Variants in RANBP6 observed in about 807,000 individuals in gnomAD.
The protein encoded by RANBP6 is ran-binding protein 6.
RANBP6 carries 10 observed loss-of-function variants against 35.3 expected under a neutral mutation model. That is an observed-to-expected ratio of 0.28 (90% CI 0.17 to 0.48). RANBP6 has a LOEUF of 0.48. Ranked by LOEUF, RANBP6 falls within the 20% of genes least tolerant of loss-of-function variation. The pLI, the probability that RANBP6 is intolerant of heterozygous loss-of-function variation, is 0.99. For synonymous variants in RANBP6, 514 were observed against 464.2 expected, an observed-to-expected ratio of 1.11 and a Z score of -1.38; for missense variants, 1,392 against 1,307.7, an observed-to-expected ratio of 1.06 and a Z score of -0.99.
rs964537670 is a variant in RANBP6 at position 6,015,132 on chromosome 9, G to A, written c.476C>T (p.Ala159Val). Residue 159 changes from alanine to valine, a missense_variant, in exon 1 of 1, where the codon GCA (alanine) becomes GTA (valine). Coordinates refer to ENST00000259569, the MANE Select transcript of RANBP6 (RefSeq NM_012416.4). ...YSKNVVLWEVALHVFWHFPGI... is the reference protein window; with the variant it reads ...YSKNVVLWEVVLHVFWHFPGI... Reference sequence around the variant, plus strand: ...AGGAAAGTGCCAGAAAACGTGAAGTGCAACTTCCCATAGAACCACATTTTT... The same window carrying A: ...AGGAAAGTGCCAGAAAACGTGAAGTACAACTTCCCATAGAACCACATTTTT... 3.1e-6 allele frequency: 5 copies of A among 1,614,092 alleles called. No individual in the cohort carries two copies. Among genetic ancestry groups the A allele is most frequent in the African/African-American group, 2.7e-5 (2 of 75,040 alleles).
At position 6,013,279 on chromosome 9, in the gene RANBP6, T is replaced by G. The variant is rs765155594; in HGVS notation, c.2329A>C (p.Ile777Leu). Residue 777 changes from isoleucine (I) to leucine (L), a missense_variant, in exon 1 of 1, where the codon ATA (isoleucine) becomes CTA (leucine). Coordinates refer to ENST00000259569, the MANE Select transcript of RANBP6 (RefSeq NM_012416.4). ...ATGGACTTTGCAAAAGAATTCATTA[T>G]TTCTGAGAGCACATCTGTATCTGGT... is the stretch of plus-strand genomic sequence containing the variant. ...TEPDTDVLSE[I>L]MNSFAKSIEV... 1.2e-5 allele frequency: 19 copies of G among 1,614,214 alleles called. No individual in the cohort carries two copies. The highest frequency in any genetic ancestry group is 1.7e-5 in the Admixed American group (1 of 60,028).
Position 6,015,282 on chromosome 9 carries a change from G to A in RANBP6, c.326C>T (p.Thr109Ile), listed in dbSNP as rs780360595. The change falls in exon 1 of 1, where the codon ACA (threonine) becomes ATA (isoleucine). Residue 109 changes from threonine (T) to isoleucine (I), a missense_variant. Coordinates refer to ENST00000259569, the MANE Select transcript of RANBP6 (RefSeq NM_012416.4). ...IELILAVKLE[T>I]HASMRKKLCD... ...AAGTTTTTTCCTCATGCTAGCATGT[G>A]TTTCTAACTTAACAGCCAGAATCAG... 9.9e-6 allele frequency: 16 copies of A among 1,614,204 alleles called. No individual in the cohort carries two copies. In the Admixed American group the frequency reaches 2.3e-4, roughly 24 times the overall value.
Position 6,014,638 on chromosome 9 carries a change from G to T in RANBP6, c.970C>A (p.Gln324Lys). The T allele has an allele frequency of 1.2e-6, 2 of 1,614,130 alleles. No homozygotes were observed. Among genetic ancestry groups the T allele is most frequent in the Non-Finnish European group, 1.7e-6 (2 of 1,180,028 alleles). Reference sequence around the variant, plus strand: ...GCATTTACCCAGTCCTCATCATCTTGTAGATCAACCATCATTGCTAATATA... The same window carrying T: ...GCATTTACCCAGTCCTCATCATCTTTTAGATCAACCATCATTGCTAATATA... ...PHILAMMVDL[Q>K]DDEDWVNADE... Residue 324 changes from glutamine (Q) to lysine (K), a missense_variant, in exon 1 of 1, where the codon CAA becomes AAA. Transcript: ENST00000259569.
At position 6,013,898 on chromosome 9, in the gene RANBP6, G is replaced by T; in HGVS notation, c.1710C>A (p.Ser570Arg). 1 of 1,613,928 alleles carries T rather than the reference G, an allele frequency of 6.2e-7. No homozygotes were observed. Among genetic ancestry groups the T allele is most frequent in the Non-Finnish European group, 8.5e-7 (1 of 1,179,990 alleles). The change falls in exon 1 of 1, where the codon AGC (serine) becomes AGA (arginine). Residue 570 changes from serine to arginine, a missense_variant. Coordinates refer to ENST00000259569, the MANE Select transcript of RANBP6 (RefSeq NM_012416.4). ...CCTTCCCAACAGCAAGACCAATATG[G>T]CTAATGCACTCGATAGTTTTTCCTC... Reference protein sequence around the residue: ...LLRGKTIECISHIGLAVGKEK... With the variant: ...LLRGKTIECIRHIGLAVGKEK...
rs763791045 is a variant in RANBP6, at chr9:6,014,202, T to G, written c.1406A>C (p.His469Pro). 2.5e-6 allele frequency: 4 copies of G among 1,613,814 alleles called. No homozygotes were observed. The highest frequency in any genetic ancestry group is 3.4e-6 in the Non-Finnish European group (4 of 1,179,918). ...AAAAATAATAAGAGCAGAAGCTGCATGTGATTGCACACGCTGATTACCTTG... is the reference window on the plus strand; with the variant it reads ...AAAAATAATAAGAGCAGAAGCTGCAGGTGATTGCACACGCTGATTACCTTG... ...ENQGNQRVQS[H>P]AASALIIFIE... The change falls in exon 1 of 1, where the codon CAT becomes CCT. Residue 469 changes from histidine (H) to proline (P), a missense_variant. His to Pro is a moderately conservative substitution (Grantham distance 77). Coordinates refer to ENST00000259569, the MANE Select transcript of RANBP6 (RefSeq NM_012416.4).
rs1355480611 is a variant in RANBP6, at chr9:6,014,907, T to C, written c.701A>G (p.Asn234Ser). The C allele has an allele frequency of 1.9e-6, 3 of 1,614,024 alleles. No homozygotes were observed. Among genetic ancestry groups the C allele is most frequent in the Non-Finnish European group, 2.5e-6 (3 of 1,180,018 alleles). Residue 234 changes from asparagine (N) to serine (S), a missense_variant, in exon 1 of 1, where the codon AAT becomes AGT. By Grantham distance (46) the Asn-to-Ser change is conservative. Coordinates refer to ENST00000259569, the MANE Select transcript of RANBP6 (RefSeq NM_012416.4). Reference sequence around the variant, plus strand: ...ATCATCATCCTGGTAGCATGAGTCATTCACAGCCTGTAAGATTCCAGGAAG... The same window carrying C: ...ATCATCATCCTGGTAGCATGAGTCACTCACAGCCTGTAAGATTCCAGGAAG... ...DLLPGILQAV[N>S]DSCYQDDDSV... is the part of the protein sequence containing the mutation.
Position 6,011,632 on chromosome 9 carries a change from G to A in RANBP6, c.*658C>T, listed in dbSNP as rs1842472962. ...AGTAACTATGGTTCTTGGAGTCCTG[G>A]ATAACTTAAAAAAATAGAGACCTGT... On this transcript the variant is annotated 3_prime_UTR_variant, in exon 1 of 1. Transcript: ENST00000259569. 1 of 152,062 alleles carries A rather than the reference G, an allele frequency of 6.6e-6. No homozygotes were observed. The highest frequency in any genetic ancestry group is 1.5e-5 in the Non-Finnish European group (1 of 68,004). 9.4% of individuals were successfully genotyped at this position (152,062 alleles called of 1,614,324 possible).
At position 6,013,703 on chromosome 9, in the gene RANBP6, G is replaced by C. The variant is rs756655871; in HGVS notation, c.1905C>G (p.Ile635Met). 3 of 1,613,908 alleles carry C rather than the reference G, an allele frequency of 1.9e-6. No homozygotes were observed. Among genetic ancestry groups the C allele is most frequent in the African/African-American group, 1.3e-5 (1 of 74,912 alleles). ...CTGAAGCAGTCTTAATAAGAGGCTC[G>C]ATAACCAGTGGAAGGTACTGTTGAA... ...KDFQQYLPLV[I>M]EPLIKTASAK... Residue 635 changes from isoleucine to methionine, a missense_variant, in exon 1 of 1, where the codon ATC (isoleucine) becomes ATG (methionine). By Grantham distance (10) the Ile-to-Met change is conservative. Transcript: ENST00000259569.
At position 6,014,856 on chromosome 9, in the gene RANBP6, A is replaced by G; in HGVS notation, c.752T>C (p.Ile251Thr). The change falls in exon 1 of 1, where the codon ATT becomes ACT. Residue 251 changes from isoleucine (I) to threonine (T), a missense_variant. Transcript: ENST00000259569. ...CAAGTACTTAGGTACGGTATCTGCA[A>G]TCTCAACAAGGGATTCTAGCACTGA... The part of the protein sequence containing the change: ...DDSVLESLVE[I>T]ADTVPKYLGP... The G allele has an allele frequency of 6.2e-7, 1 of 1,614,218 alleles. No individual in the cohort carries two copies. The highest frequency in any genetic ancestry group is 8.5e-7 in the Non-Finnish European group (1 of 1,180,046).
Position 6,013,771 on chromosome 9 carries a change from C to T in RANBP6, c.1837G>A (p.Val613Ile). 4 of 1,613,876 alleles carry T rather than the reference C, an allele frequency of 2.5e-6. No homozygotes were observed. Among genetic ancestry groups the T allele is most frequent in the Non-Finnish European group, 3.4e-6 (4 of 1,180,034 alleles). ...EDDDPQTSYM[V>I]SAWARMCKIL... ...TTACACATTCTAGCCCATGCTGAAA[C>T]CATGTAAGAGGTCTGAGGGTCATCA... The change falls in exon 1 of 1, where the codon GTT becomes ATT. Residue 613 changes from valine to isoleucine, a missense_variant. Physicochemically the swap from Val to Ile is conservative, Grantham distance 29. Transcript: ENST00000259569.
Position 6,013,539 on chromosome 9 carries a change from C to T in RANBP6, c.2069G>A (p.Cys690Tyr). The T allele has an allele frequency of 2.5e-6, 4 of 1,614,182 alleles. No individual in the cohort carries two copies. The highest frequency in any genetic ancestry group is 1.3e-5 in the African/African-American group (1 of 75,054). Residue 690 changes from cysteine (C) to tyrosine (Y), a missense_variant, in exon 1 of 1, where the codon TGC becomes TAC. Transcript: ENST00000259569. The stretch of plus-strand genomic sequence containing the variant: ...CTTAGCATAGTAAACCAACATTTGG[C>T]AAGCAGTTGCTTTTGCTTCAAGTCC... ...TSGLEAKATA[C>Y]QMLVYYAKEL...
chr9:6,014,957 A>G lies in RANBP6; in HGVS notation c.651T>C (p.Ala217=). The G allele has an allele frequency of 1.9e-6, 3 of 1,614,232 alleles. No individual in the cohort carries two copies. Among genetic ancestry groups the G allele is most frequent in the Non-Finnish European group, 2.5e-6 (3 of 1,180,050 alleles). ...AFVLANENNI[A]LFKDFADLLP... The stretch of plus-strand genomic sequence containing the variant: ...GCAAGTCTGCAAAGTCTTTGAAAAG[A>G]GCAATATTATTCTCATTAGCAAGTA... Residue 217 remains alanine (A), a synonymous_variant, in exon 1 of 1, where the codon GCT becomes GCC. Coordinates refer to ENST00000259569, the MANE Select transcript of RANBP6 (RefSeq NM_012416.4).
In RANBP6 at chr9:6,012,643, T is replaced by G. The variant is rs1436304660; in HGVS notation, c.2965A>C (p.Lys989Gln). The G allele has an allele frequency of 1.2e-6, 2 of 1,613,674 alleles. No homozygotes were observed. Among genetic ancestry groups the G allele is most frequent in the Non-Finnish European group, 1.7e-6 (2 of 1,179,858 alleles). Reference sequence around the variant, plus strand: ...ACATTTACACAGTTAGGCTTAAACTTCAAAATCTTCCCTATTGCTGAGATA... The same window carrying G: ...ACATTTACACAGTTAGGCTTAAACTGCAAAATCTTCCCTATTGCTGAGATA... Reference protein sequence around the residue: ...NCISAIGKILKFKPNCVNVDE... With the variant: ...NCISAIGKILQFKPNCVNVDE... The change falls in exon 1 of 1, where the codon AAG becomes CAG. Residue 989 changes from lysine (K) to glutamine (Q), a missense_variant. Coordinates refer to ENST00000259569, the MANE Select transcript of RANBP6 (RefSeq NM_012416.4).
rs771512708 is a variant in RANBP6, at chr9:6,014,314, C to T, written c.1294G>A (p.Gly432Arg). ...GGTGCAAAATCTGTAGCCATCTGTCCAAGTGTAGTACAGGCTGCAGCCCTC... is the reference window on the plus strand; with the variant it reads ...GGTGCAAAATCTGTAGCCATCTGTCTAAGTGTAGTACAGGCTGCAGCCCTC... Reference protein sequence around the residue: ...RVRAAACTTLGQMATDFAPNF... With the variant: ...RVRAAACTTLRQMATDFAPNF... Residue 432 changes from glycine to arginine, a missense_variant, in exon 1 of 1, where the codon GGA (glycine) becomes AGA (arginine). Physicochemically the swap from Gly to Arg is moderately radical, Grantham distance 125 (BLOSUM62 -2). Transcript: ENST00000259569. 1.2e-6 allele frequency: 2 copies of T among 1,614,214 alleles called. No homozygotes were observed. The highest frequency in any genetic ancestry group is 3.3e-5 in the Admixed American group (2 of 60,032).
chr9:6,014,901 G>A lies in RANBP6; in HGVS notation c.707C>T (p.Ser236Leu), dbSNP rs1842546604. 1.2e-6 allele frequency: 2 copies of A among 1,613,992 alleles called. No homozygotes were observed. The highest frequency in any genetic ancestry group is 1.3e-5 in the African/African-American group (1 of 74,932). ...CACTGAATCATCATCCTGGTAGCAT[G>A]AGTCATTCACAGCCTGTAAGATTCC... ...LPGILQAVNDSCYQDDDSVLE... is the reference protein window; with the variant it reads ...LPGILQAVNDLCYQDDDSVLE... The change falls in exon 1 of 1, where the codon TCA (serine) becomes TTA (leucine). Residue 236 changes from serine (S) to leucine (L), a missense_variant. By Grantham distance (145) the Ser-to-Leu change is moderately radical. Transcript: ENST00000259569.
In RANBP6 at chr9:6,014,079, C is replaced by A. The variant is rs201025756; in HGVS notation, c.1529G>T (p.Arg510Leu). The change falls in exon 1 of 1, where the codon CGG becomes CTG. Residue 510 changes from arginine to leucine, a missense_variant. Transcript: ENST00000259569. ...VLVIKLQELI[R>L]NGTKLALEQL... ...TTCCAAAGCCAACTTAGTTCCATTC[C>A]GAATCAACTCTTGAAGTTTAATCAC... The A allele has an allele frequency of 6.2e-7, 1 of 1,613,772 alleles. No individual in the cohort carries two copies. The highest frequency in any genetic ancestry group is 8.5e-7 in the Non-Finnish European group (1 of 1,179,968).
chr9:6,013,123 C>T lies in RANBP6; in HGVS notation c.2485G>A (p.Asp829Asn), dbSNP rs976544886. Residue 829 changes from aspartate to asparagine, a missense_variant, in exon 1 of 1, where the codon GAT becomes AAT. By Grantham distance (23) the Asp-to-Asn change is conservative (BLOSUM62 1). Coordinates refer to ENST00000259569, the MANE Select transcript of RANBP6 (RefSeq NM_012416.4). Reference protein sequence around the residue: ...RQVKRQEENYDQQVEMSLQDE... With the variant: ...RQVKRQEENYNQQVEMSLQDE... ...TGCAGAGACATCTCAACCTGTTGAT[C>T]ATAGTTTTCTTCCTGTCTTTTCACC... is the stretch of plus-strand genomic sequence containing the variant. 2 of 1,613,922 alleles carry T rather than the reference C, an allele frequency of 1.2e-6. No homozygotes were observed. The highest frequency in any genetic ancestry group is 1.3e-5 in the African/African-American group (1 of 74,928).
chr9:6,014,285 A>G lies in RANBP6; in HGVS notation c.1323T>C (p.Asn441=). Residue 441 remains asparagine, a synonymous_variant, in exon 1 of 1, where the codon AAT becomes AAC. Coordinates refer to ENST00000259569, the MANE Select transcript of RANBP6 (RefSeq NM_012416.4). ...CTGTTTCATGAAATTTCTTTTGGAA[A>G]TTAGGTGCAAAATCTGTAGCCATCT... ...LGQMATDFAP[N]FQKKFHETVI... The G allele has an allele frequency of 6.2e-7, 1 of 1,614,244 alleles. No individual in the cohort carries two copies. The highest frequency in any genetic ancestry group is 1.1e-5 in the South Asian group (1 of 91,090).
At position 6,014,306 on chromosome 9, in the gene RANBP6, C is replaced by A. The variant is rs1485881994; in HGVS notation, c.1302G>T (p.Met434Ile). The A allele has an allele frequency of 6.2e-7, 1 of 1,614,094 alleles. No homozygotes were observed. The highest frequency in any genetic ancestry group is 8.5e-7 in the Non-Finnish European group (1 of 1,180,054). Reference sequence around the variant, plus strand: ...GGAAATTAGGTGCAAAATCTGTAGCCATCTGTCCAAGTGTAGTACAGGCTG... The same window carrying A: ...GGAAATTAGGTGCAAAATCTGTAGCAATCTGTCCAAGTGTAGTACAGGCTG... Reference protein sequence around the residue: ...RAAACTTLGQMATDFAPNFQK... With the variant: ...RAAACTTLGQIATDFAPNFQK... Residue 434 changes from methionine (M) to isoleucine (I), a missense_variant, in exon 1 of 1, where the codon ATG becomes ATT. By Grantham distance (10) the Met-to-Ile change is conservative. Transcript: ENST00000259569.
Sources: gnomAD v4.1 joint callset for allele counts on GRCh38, gnomAD v4.1.1 for gene constraint, MANE v1.5 for transcripts, NCBI Gene and HGNC (gene_info 2026-07-23, HGNC 2026-07-21) for gene names.